MTA2: variants seen among roughly 807,000 people sequenced by gnomAD.
MTA2 encodes the protein metastasis-associated protein MTA2.
In MTA2, 22 loss-of-function variants were observed where a neutral mutation model predicts 87.1. That is an observed-to-expected ratio of 0.25 (90% CI 0.18 to 0.36). The LOEUF is 0.36. Ranked by LOEUF, MTA2 falls within the 10% of genes least tolerant of loss-of-function variation. MTA2 has a pLI of 1.00. For synonymous variants in MTA2, 314 were observed against 310.1 expected (o/e 1.01, Z -0.13); for missense variants, 542 against 853.2 (o/e 0.64, Z 4.54).
intron 1 of MTA2, chr11:62,601,046 A>G: frequency 2.1e-6 from 1 of 486,240 alleles, no homozygotes; most frequent in South Asian, 2.6e-5. Flanking sequence ...GGCGCACAAT[A>G]ACGCCTGGGA....
chr11:62,598,572 C>A lies in MTA2; in HGVS notation c.258G>T (p.Arg86=). ...SEQQRHQLKH[R]ELFLSRQFES... The stretch of plus-strand genomic sequence containing the variant: ...CAAATTGCCGAGAAAGAAAAAGTTC[C>A]CGGTGCTTCAGTTGATGGCGCTGCT... The change falls in exon 4 of 18, where the codon CGG becomes CGT. Residue 86 remains arginine (R), a synonymous_variant. Coordinates refer to ENST00000278823, the MANE Select transcript of MTA2 (RefSeq NM_004739.4). 6.2e-7 allele frequency: 1 copy of A among 1,614,134 alleles called. No individual in the cohort carries two copies. The highest frequency in any genetic ancestry group is 8.5e-7 in the Non-Finnish European group (1 of 1,180,028).
chr11:62,596,317 T>C lies in MTA2; in HGVS notation c.978A>G (p.Glu326=). ...YIQQKRLKAA[E]ADSKLKQVYI... ...AGACCTGTTTCAGTTTGCTGTCTGC[T>C]TCAGCAGCTTTCAACCTTTTCTGTA... The change falls in exon 11 of 18, where the codon GAA becomes GAG. Residue 326 remains glutamate (E), a synonymous_variant. Coordinates refer to ENST00000278823, the MANE Select transcript of MTA2 (RefSeq NM_004739.4). The C allele has an allele frequency of 6.2e-7, 1 of 1,614,150 alleles. No individual in the cohort carries two copies. Among genetic ancestry groups the C allele is most frequent in the Non-Finnish European group, 8.5e-7 (1 of 1,180,024 alleles).
intron 2 of MTA2, 32 bp from the exon 3 acceptor site, chr11:62,600,291 A>C (rs1942160546): frequency 1.9e-6 from 3 of 1,562,748 alleles, no homozygotes; most frequent in South Asian, 1.1e-5. Context: ...AAACAAAACA[A>C]CGTAGCAGTG....
Position 62,594,499 on chromosome 11 carries a change from C to T in MTA2, c.1692+17G>A, listed in dbSNP as rs1942070368. 1.9e-6 allele frequency: 3 copies of T among 1,613,750 alleles called. No homozygotes were observed. The highest frequency in any genetic ancestry group is 1.1e-5 in the South Asian group (1 of 91,044). On this transcript the variant is annotated intron_variant, in intron 16 of 17. Transcript: ENST00000278823. Reference sequence around the variant, plus strand: ...CCCACCCAACTCAATCTGGCCCACCCCTTTCTGTCAACTCACAGTCTCATA... The same window carrying T: ...CCCACCCAACTCAATCTGGCCCACCTCTTTCTGTCAACTCACAGTCTCATA...
At chr11:62,600,306 T>G (rs1360667099) in intron 2 of MTA2, 47 bp from the exon 3 acceptor site, 1 of 1,527,302 alleles carries the variant, frequency 6.5e-7, no homozygotes. Context: ...GCAGTGGAAA[T>G]TGATCATCTG....
At position 62,594,082 on chromosome 11, in the gene MTA2, A is replaced by C. The variant is rs758460310; in HGVS notation, c.1842-42T>G. 3.8e-6 allele frequency: 6 copies of C among 1,562,734 alleles called. No individual in the cohort carries two copies. The Admixed American group carries it at 7.5e-5, about 20-fold the overall frequency. ...AGTGGGAAACAGAAAAGGCTTAGAG[A>C]ACATTAAGACCTCCAGGTGAAGCCC... On this transcript the variant is annotated intron_variant, in intron 17 of 17. Transcript: ENST00000278823.
chr11:62,596,770 G>T lies in MTA2; in HGVS notation c.749C>A (p.Ser250Ter). ...RNGYDLAKAM[S>*]TLVPQGGPVL... ...CGGGCCTCCCTGGGGTACCAGGGTCGACATGGCCTTAGCCAGGTCGTAGCC... is the reference window on the plus strand; with the variant it reads ...CGGGCCTCCCTGGGGTACCAGGGTCTACATGGCCTTAGCCAGGTCGTAGCC... Residue 250 changes from serine (S) to a stop codon, truncating the protein, a stop_gained, in exon 9 of 18, where the codon TCG becomes TAG. Transcript: ENST00000278823. LOFTEE classifies it high-confidence loss of function. The T allele has an allele frequency of 1.2e-6, 2 of 1,614,004 alleles. No individual in the cohort carries two copies. Among genetic ancestry groups the T allele is most frequent in the South Asian group, 2.2e-5 (2 of 91,052 alleles).
intron 2 of MTA2, 159 bp from the exon 3 acceptor site, chr11:62,600,418 C>T (rs895260583): frequency 2.5e-6 from 2 of 802,798 alleles, no homozygotes; most frequent in East Asian, 2.7e-5. Context: ...CAAGGATAGA[C>T]TTCCAAATCC....
In MTA2 at chr11:62,597,638, G is replaced by C. The variant is rs1470504632; in HGVS notation, c.565C>G (p.Gln189Glu). 1 of 1,614,126 alleles carries C rather than the reference G, an allele frequency of 6.2e-7. No homozygotes were observed. Among genetic ancestry groups the C allele is most frequent in the Admixed American group, 1.7e-5 (1 of 60,018 alleles). Residue 189 changes from glutamine (Q) to glutamate (E), a missense_variant, in exon 7 of 18, where the codon CAG becomes GAG. By Grantham distance (29) the Gln-to-Glu change is conservative (BLOSUM62 2). This residue lies in a region of MTA2 where 150 missense variants were observed against 243.9 expected (regional missense o/e 0.62). Coordinates refer to ENST00000278823, the MANE Select transcript of MTA2 (RefSeq NM_004739.4). ...GCCACCACAAGAAACTGGTCGATCTGCCGGTCTGTGAGAGGGTTGTCTGGG... is the reference window on the plus strand; with the variant it reads ...GCCACCACAAGAAACTGGTCGATCTCCCGGTCTGTGAGAGGGTTGTCTGGG... ...WDPDNPLTDR[Q>E]IDQFLVVARA... is the part of the protein sequence containing the mutation.
rs767944231 is a variant in MTA2 at position 62,600,615 on chromosome 11, C to CA, written c.96+6dup. On this transcript the variant is annotated splice_region_variant and intron_variant, in intron 2 of 17. Coordinates refer to ENST00000278823, the MANE Select transcript of MTA2 (RefSeq NM_004739.4). ...GGAGGGAGGGAGAGGGATTCTGCTC[C>CA]ACTCACCTTGTTGAGCTCCTCAATC... is the stretch of plus-strand genomic sequence containing the variant. The CA allele has an allele frequency of 6.2e-7, 1 of 1,613,108 alleles. No homozygotes were observed. Among genetic ancestry groups the CA allele is most frequent in the Non-Finnish European group, 8.5e-7 (1 of 1,179,196 alleles).
intron 9 of MTA2, 40 bp downstream of exon 9, chr11:62,596,597 G>A: frequency 6.2e-7 from 1 of 1,611,954 alleles, no homozygotes. Context: ...TCCCTCACCT[G>A]TCATCTCTCC....
chr11:62,600,775 G>T (rs1428583481), intron 1 of MTA2, 86 bp from the exon 2 acceptor site: 7 of 1,202,710 alleles, frequency 5.8e-6, no homozygotes, highest in East Asian at 2.4e-5. Context: ...AAGTTGGCCT[G>T]AGTGGATCAA....
chr11:62,599,417 AG>A (rs1393698135), intron 3 of MTA2: 4 of 152,268 alleles, frequency 2.6e-5, no homozygotes, highest in Non-Finnish European at 5.9e-5. Context: ...GGCCAAGGTC[AG>A]CCCCTGCCAG....
Position 62,595,560 on chromosome 11 carries a change from C to A in MTA2, c.1255-68G>T, listed in dbSNP as rs1403574501. ...CTGAGGCTCCCTTCTTTCTTCCATT[C>A]CCTGCAGGGGACAATTTATTCCTGT... is the stretch of plus-strand genomic sequence containing the variant. On this transcript the variant is annotated intron_variant, in intron 13 of 17. Coordinates refer to ENST00000278823, the MANE Select transcript of MTA2 (RefSeq NM_004739.4). The surrounding 1 kb of genome is among the most constrained non-coding windows in gnomAD (Gnocchi z 4.9). The A allele has an allele frequency of 6.4e-7, 1 of 1,573,334 alleles. No homozygotes were observed. Among genetic ancestry groups the A allele is most frequent in the African/African-American group, 1.4e-5 (1 of 73,792 alleles).
chr11:62,600,041 C>T (rs1219627516), intron 3 of MTA2, 125 bp downstream of exon 3: 1 of 809,398 alleles, frequency 1.2e-6, no homozygotes, highest in Non-Finnish European at 2.0e-6. Context: ...CTCCTCAGGC[C>T]AGGCATTTCC....
At chr11:62,597,563 T>C (rs1942116123) in intron 7 of MTA2, 47 bp downstream of exon 7, 1 of 1,561,970 alleles carries the variant, frequency 6.4e-7, no homozygotes, top group Non-Finnish European at 8.8e-7. Context: ...CTCAGAACAA[T>C]GTCCACACCT....
Position 62,594,544 on chromosome 11 carries a change from C to T in MTA2, c.1664G>A (p.Gly555Asp), listed in dbSNP as rs1286023837. 2 of 1,613,896 alleles carry T rather than the reference C, an allele frequency of 1.2e-6. No homozygotes were observed. The highest frequency in any genetic ancestry group is 1.7e-6 in the Non-Finnish European group (2 of 1,179,978). The change falls in exon 16 of 18, where the codon GGC (glycine) becomes GAC (aspartate). Residue 555 changes from glycine (G) to aspartate (D), a missense_variant. Coordinates refer to ENST00000278823, the MANE Select transcript of MTA2 (RefSeq NM_004739.4). ...NQLSQNRGLG[G>D]IMVKRAYETM... ...CTCATAGGCCCGTTTCACCATAATG[C>T]CCCCCAGTCCCCGGTTCTGGGACAG...
rs78263220 is a variant in MTA2, at chr11:62,595,496, G to C, written c.1255-4C>G. On this transcript the variant is annotated splice_region_variant and splice_polypyrimidine_tract_variant and intron_variant, in intron 13 of 17. Coordinates refer to ENST00000278823, the MANE Select transcript of MTA2 (RefSeq NM_004739.4). This position sits in a 1 kb window ranked among gnomAD's most constrained non-coding sequence, Gnocchi z 4.9. ...AATGACCCCTTGAGTGTGGCTCCTA[G>C]AAGAAGAGCATAGGAAAGAGAGAGA... is the stretch of plus-strand genomic sequence containing the variant. The C allele has an allele frequency of 2.5e-6, 4 of 1,613,462 alleles. No individual in the cohort carries two copies. The highest frequency in any genetic ancestry group is 3.4e-6 in the Non-Finnish European group (4 of 1,179,498).
In MTA2 at chr11:62,594,604, G is replaced by C. The variant is rs1470009643; in HGVS notation, c.1604C>G (p.Pro535Arg). The change falls in exon 16 of 18, where the codon CCT becomes CGT. Residue 535 changes from proline (P) to arginine (R), a missense_variant. Pro to Arg is a moderately radical substitution (Grantham distance 103). Coordinates refer to ENST00000278823, the MANE Select transcript of MTA2 (RefSeq NM_004739.4). ...VAQAPLKPKTPRGTKTPINRN... is the reference protein window; with the variant it reads ...VAQAPLKPKTRRGTKTPINRN... ...GTTGATCGGTGTCTTGGTACCCCGAGGTGTTTTTGGTTTCAGGGGTGCCTG... is the reference window on the plus strand; with the variant it reads ...GTTGATCGGTGTCTTGGTACCCCGACGTGTTTTTGGTTTCAGGGGTGCCTG... 1 of 1,614,074 alleles carries C rather than the reference G, an allele frequency of 6.2e-7. No homozygotes were observed. Among genetic ancestry groups the C allele is most frequent in the Non-Finnish European group, 8.5e-7 (1 of 1,180,020 alleles).
Sources: gnomAD v4.1 joint callset for allele counts on GRCh38, gnomAD v4.1.1 for gene constraint, gnomAD v4.1.1 regional missense constraint, Gnocchi (gnomAD v3.1) non-coding constraint, MANE v1.5 for transcripts, NCBI Gene and HGNC (gene_info 2026-07-23, HGNC 2026-07-21) for gene names.